The following INSM2 variants were observed in gnomAD, a reference collection of about 807,000 sequenced individuals.
The protein encoded by INSM2 is insulinoma-associated protein 2.
INSM2 carries 12 observed loss-of-function variants against 30.5 expected under a neutral mutation model. The observed-to-expected ratio is 0.39, with a 90% CI of 0.25 to 0.64. The LOEUF (loss-of-function observed/expected upper bound fraction) is 0.64. Ranked by LOEUF, INSM2 falls within the 30% of genes least tolerant of loss-of-function variation. INSM2 has a pLI of 0.47. For missense variants in INSM2, 773 were observed against 819.2 expected, an observed-to-expected ratio of 0.94 and a Z score of 0.69; for synonymous variants, 418 against 383.7, an observed-to-expected ratio of 1.09 and a Z score of -1.05.
chr14:35,534,356 C>A lies in INSM2; in HGVS notation c.104C>A (p.Pro35Gln), dbSNP rs766922721. 1 of 1,575,388 alleles carries A rather than the reference C, an allele frequency of 6.3e-7. No individual in the cohort carries two copies. Among genetic ancestry groups the A allele is most frequent in the Admixed American group, 1.8e-5 (1 of 55,336 alleles). ...VFPLLGPQGA[P>Q]PFLEEAPSAS... is the part of the protein sequence containing the mutation. ...CCTCTGCTGGGGCCCCAGGGGGCGC[C>A]GCCCTTCTTGGAGGAGGCTCCCAGC... Residue 35 changes from proline to glutamine, a missense_variant, in exon 1 of 1, where the codon CCG becomes CAG. Physicochemically the swap from Pro to Gln is moderately conservative, Grantham distance 76. Coordinates refer to ENST00000307169, the MANE Select transcript of INSM2 (RefSeq NM_032594.4).
At position 35,534,673 on chromosome 14, in the gene INSM2, G is replaced by T. The variant is rs930307081; in HGVS notation, c.421G>T (p.Gly141Cys). The T allele has an allele frequency of 1.4e-6, 2 of 1,402,724 alleles. No homozygotes were observed. The highest frequency in any genetic ancestry group is 1.8e-6 in the Non-Finnish European group (2 of 1,089,628). 86.9% of individuals were successfully genotyped at this position (1,402,724 alleles called of 1,614,324 possible). A position where few individuals can be genotyped will look rare whatever the true frequency, so the allele number is the denominator to read the frequency against. ...SPVSAESFPGGAAAVAAFSCS... is the reference protein window; with the variant it reads ...SPVSAESFPGCAAAVAAFSCS... ...CGTCTCCGCCGAGTCTTTCCCCGGG[G>T]GCGCCGCCGCCGTGGCCGCTTTCTC... The change falls in exon 1 of 1, where the codon GGC becomes TGC. Residue 141 changes from glycine to cysteine, a missense_variant. Physicochemically the swap from Gly to Cys is radical, Grantham distance 159. Transcript: ENST00000307169.
Position 35,535,240 on chromosome 14 carries a change from G to C in INSM2, c.988G>C (p.Gly330Arg). The C allele has an allele frequency of 3.1e-6, 5 of 1,613,530 alleles. No individual in the cohort carries two copies. Among genetic ancestry groups the C allele is most frequent in the Non-Finnish European group, 4.2e-6 (5 of 1,179,954 alleles). ...CGCCGCCACAGTCTCCTCCGCCGAC[G>C]GGAAGCCGCCTTCTTCGTCGTCTTC... ...ANAATVSSAD[G>R]KPPSSSSSSS... Residue 330 changes from glycine to arginine, a missense_variant, in exon 1 of 1, where the codon GGG (glycine) becomes CGG (arginine). Gly to Arg is a moderately radical substitution (Grantham distance 125). Coordinates refer to ENST00000307169, the MANE Select transcript of INSM2 (RefSeq NM_032594.4).
In INSM2 at chr14:35,535,850, C is replaced by CT. The variant is rs756928018; in HGVS notation, c.1605dup (p.Ser536Ter). ...TTCTCGTGCAAGCACTGCCCGTCCACTTTTTTTAGCTCTCCAGGGCTGACC... is the reference window on the plus strand; with the variant it reads ...TTCTCGTGCAAGCACTGCCCGTCCACTTTTTTTTAGCTCTCCAGGGCTGACC... On this transcript the variant is annotated frameshift_variant, in exon 1 of 1. Transcript: ENST00000307169. LOFTEE classifies it high-confidence loss of function. The CT allele has an allele frequency of 3.8e-5, 62 of 1,613,972 alleles. No homozygotes were observed. The highest frequency in any genetic ancestry group is 6.7e-5 in the East Asian group (3 of 44,888).
chr14:35,534,394 G>C lies in INSM2; in HGVS notation c.142G>C (p.Gly48Arg). The C allele has an allele frequency of 6.5e-7, 1 of 1,532,138 alleles. No homozygotes were observed. Among genetic ancestry groups the C allele is most frequent in the Non-Finnish European group, 8.7e-7 (1 of 1,145,436 alleles). 94.9% of individuals were successfully genotyped at this position (1,532,138 alleles called of 1,614,324 possible). A position where few individuals can be genotyped will look rare whatever the true frequency, so the allele number is the denominator to read the frequency against. ...GGAGGCTCCCAGCGCCTCCTTGCCCGGCGCGGAGCGGGCGACACCCCCCAC... is the reference window on the plus strand; with the variant it reads ...GGAGGCTCCCAGCGCCTCCTTGCCCCGCGCGGAGCGGGCGACACCCCCCAC... ...LEEAPSASLP[G>R]AERATPPTRE... Residue 48 changes from glycine to arginine, a missense_variant, in exon 1 of 1, where the codon GGC becomes CGC. By Grantham distance (125) the Gly-to-Arg change is moderately radical (BLOSUM62 -2). Transcript: ENST00000307169.
chr14:35,535,412 T>C lies in INSM2; in HGVS notation c.1160T>C (p.Leu387Pro), dbSNP rs754645740. 6.2e-7 allele frequency: 1 copy of C among 1,611,956 alleles called. No homozygotes were observed. The highest frequency in any genetic ancestry group is 1.1e-5 in the South Asian group (1 of 91,028). Residue 387 changes from leucine (L) to proline (P), a missense_variant, in exon 1 of 1, where the codon CTC (leucine) becomes CCC (proline). Coordinates refer to ENST00000307169, the MANE Select transcript of INSM2 (RefSeq NM_032594.4). ...QHPDSAPRQG[L>P]QVLTHPEPPL... ...CCGGACAGCGCCCCGAGGCAGGGCC[T>C]CCAGGTGCTGACGCATCCAGAGCCA... is the stretch of plus-strand genomic sequence containing the variant.
chr14:35,534,422 G>T lies in INSM2; in HGVS notation c.170G>T (p.Arg57Leu), dbSNP rs370970531. 3.6e-5 allele frequency: 54 copies of T among 1,498,110 alleles called. No individual in the cohort carries two copies. The East Asian group carries it at 5.9e-4, about 16-fold the overall frequency. The allele number at this position is 1,498,110 out of a possible 1,614,324, so 92.8% of individuals were successfully genotyped here. Residue 57 changes from arginine (R) to leucine (L), a missense_variant, in exon 1 of 1, where the codon CGA (arginine) becomes CTA (leucine). Coordinates refer to ENST00000307169, the MANE Select transcript of INSM2 (RefSeq NM_032594.4). ...GCGGAGCGGGCGACACCCCCCACCCGAGAGGAACCAGGAAAGGGGTTGACG... is the reference window on the plus strand; with the variant it reads ...GCGGAGCGGGCGACACCCCCCACCCTAGAGGAACCAGGAAAGGGGTTGACG... ...PGAERATPPT[R>L]EEPGKGLTAE...
At position 35,536,917 on chromosome 14, in the gene INSM2, A is replaced by G. The variant is rs1024660222; in HGVS notation, c.*964A>G. On this transcript the variant is annotated 3_prime_UTR_variant, in exon 1 of 1. Coordinates refer to ENST00000307169, the MANE Select transcript of INSM2 (RefSeq NM_032594.4). ...TCTTTTCAGCGGCAACTTGTTTTTG[A>G]TTTTTTTAAAAAACCATTTCAGTGT... 1 of 166,994 alleles carries G rather than the reference A, an allele frequency of 6.0e-6. No individual in the cohort carries two copies. Among genetic ancestry groups the G allele is most frequent in the African/African-American group, 2.4e-5 (1 of 41,448 alleles). The allele number at this position is 166,994 out of a possible 1,614,324, so 10.3% of individuals were successfully genotyped here.
Position 35,535,832 on chromosome 14 carries a change from G to T in INSM2, c.1580G>T (p.Cys527Phe), listed in dbSNP as rs748986667. ...GGGAGTGCCCAGCAAATTTTCTCGTGCAAGCACTGCCCGTCCACTTTTTTT... is the reference window on the plus strand; with the variant it reads ...GGGAGTGCCCAGCAAATTTTCTCGTTCAAGCACTGCCCGTCCACTTTTTTT... Reference protein sequence around the residue: ...SDGSAQQIFSCKHCPSTFFSS... With the variant: ...SDGSAQQIFSFKHCPSTFFSS... The change falls in exon 1 of 1, where the codon TGC becomes TTC. Residue 527 changes from cysteine to phenylalanine, a missense_variant. Physicochemically the swap from Cys to Phe is radical, Grantham distance 205 (BLOSUM62 -2). Transcript: ENST00000307169. The T allele has an allele frequency of 1.2e-6, 2 of 1,614,096 alleles. No homozygotes were observed. Among genetic ancestry groups the T allele is most frequent in the South Asian group, 2.2e-5 (2 of 91,088 alleles).
At position 35,535,296 on chromosome 14, in the gene INSM2, T is replaced by C. The variant is rs1376778049; in HGVS notation, c.1044T>C (p.Ser348=). The change falls in exon 1 of 1, where the codon TCT becomes TCC. Residue 348 remains serine (S), a synonymous_variant. Transcript: ENST00000307169. Reference sequence around the variant, plus strand: ...CCCGGGACTCCGGGGCCATTGCATCTTTTCTGGCGGAGGGAAAGGAGAACA... The same window carrying C: ...CCCGGGACTCCGGGGCCATTGCATCCTTTCTGGCGGAGGGAAAGGAGAACA... ...SSSRDSGAIA[S]FLAEGKENSR... 1.9e-6 allele frequency: 3 copies of C among 1,612,714 alleles called. No individual in the cohort carries two copies. The highest frequency in any genetic ancestry group is 2.5e-6 in the Non-Finnish European group (3 of 1,179,610).
rs773022760 is a variant in INSM2 at position 35,534,793 on chromosome 14, C to G, written c.541C>G (p.Pro181Ala). 1.0e-5 allele frequency: 15 copies of G among 1,453,078 alleles called. No individual in the cohort carries two copies. The highest frequency in any genetic ancestry group is 1.4e-5 in the Non-Finnish European group (15 of 1,108,230). 90.0% of individuals were successfully genotyped at this position (1,453,078 alleles called of 1,614,324 possible). ...PFPEPALQPD[P>A]APLSAALQSL... ...CCCAGAGCCCGCGCTTCAGCCGGAC[C>G]CTGCGCCCCTCTCGGCCGCCCTTCA... The change falls in exon 1 of 1, where the codon CCT becomes GCT. Residue 181 changes from proline to alanine, a missense_variant. By Grantham distance (27) the Pro-to-Ala change is conservative (BLOSUM62 -1). Transcript: ENST00000307169.
Position 35,534,549 on chromosome 14 carries a change from G to A in INSM2, c.297G>A (p.Arg99=), listed in dbSNP as rs1359788920. 1 of 1,396,300 alleles carries A rather than the reference G, an allele frequency of 7.2e-7. No individual in the cohort carries two copies. Among genetic ancestry groups the A allele is most frequent in the Admixed American group, 3.5e-5 (1 of 28,216 alleles). The allele number at this position is 1,396,300 out of a possible 1,614,324, so 86.5% of individuals were successfully genotyped here. A position where few individuals can be genotyped will look rare whatever the true frequency, so the allele number is the denominator to read the frequency against. The change falls in exon 1 of 1, where the codon AGG becomes AGA. Residue 99 remains arginine, a synonymous_variant. Coordinates refer to ENST00000307169, the MANE Select transcript of INSM2 (RefSeq NM_032594.4). The part of the protein sequence containing the change: ...REGAEWRAGG[R]EGPGPSPSPS... ...GCGCGGAGTGGCGGGCGGGTGGCAGGGAAGGTCCCGGGCCCAGCCCCAGCC... is the reference window on the plus strand; with the variant it reads ...GCGCGGAGTGGCGGGCGGGTGGCAGAGAAGGTCCCGGGCCCAGCCCCAGCC...
At position 35,534,362 on chromosome 14, in the gene INSM2, T is replaced by C; in HGVS notation, c.110T>C (p.Phe37Ser). The C allele has an allele frequency of 6.4e-7, 1 of 1,569,564 alleles. No individual in the cohort carries two copies. Among genetic ancestry groups the C allele is most frequent in the Non-Finnish European group, 8.6e-7 (1 of 1,161,490 alleles). ...CTGGGGCCCCAGGGGGCGCCGCCCT[T>C]CTTGGAGGAGGCTCCCAGCGCCTCC... ...PLLGPQGAPP[F>S]LEEAPSASLP... Residue 37 changes from phenylalanine (F) to serine (S), a missense_variant, in exon 1 of 1, where the codon TTC (phenylalanine) becomes TCC (serine). Phe to Ser is a radical substitution (Grantham distance 155, BLOSUM62 -2). Transcript: ENST00000307169.
chr14:35,535,920 G>T lies in INSM2; in HGVS notation c.1668G>T (p.Leu556=). 6.2e-7 allele frequency: 1 copy of T among 1,612,088 alleles called. No individual in the cohort carries two copies. The highest frequency in any genetic ancestry group is 8.5e-7 in the Non-Finnish European group (1 of 1,179,282). Residue 556 remains leucine, a synonymous_variant, in exon 1 of 1, where the codon CTG becomes CTT. Transcript: ENST00000307169. ...ACCCCTCAGAAAGCCGGCAAGTGCT[G>T]CTGCTGCAGATGCCACTGCGGCCTG... is the stretch of plus-strand genomic sequence containing the variant. ...KCHPSESRQV[L]LLQMPLRPGC
chr14:35,537,007 C>T lies in INSM2; in HGVS notation c.*1054C>T, dbSNP rs2053608368. ...TGGCTGAGCACTGCCTGACAGAAAG[C>T]CCGTATTTGTAAGATGCTTACCACC... On this transcript the variant is annotated 3_prime_UTR_variant, in exon 1 of 1. Coordinates refer to ENST00000307169, the MANE Select transcript of INSM2 (RefSeq NM_032594.4). 1 of 166,938 alleles carries T rather than the reference C, an allele frequency of 6.0e-6. No individual in the cohort carries two copies. The highest frequency in any genetic ancestry group is 1.5e-5 in the Non-Finnish European group (1 of 68,126). The allele number at this position is 166,938 out of a possible 1,614,324, so 10.3% of individuals were successfully genotyped here.
chr14:35,534,441 G>A lies in INSM2; in HGVS notation c.189G>A (p.Gly63=), dbSNP rs1357517576. 2.7e-6 allele frequency: 4 copies of A among 1,479,168 alleles called. No homozygotes were observed. In the African/African-American group the frequency reaches 4.5e-5, roughly 16 times the overall value. The allele number at this position is 1,479,168 out of a possible 1,614,324, so 91.6% of individuals were successfully genotyped here. A position where few individuals can be genotyped will look rare whatever the true frequency, so the allele number is the denominator to read the frequency against. ...CCACCCGAGAGGAACCAGGAAAGGGGTTGACGGCGGAGGCGGCCCGGGAAC... is the reference window on the plus strand; with the variant it reads ...CCACCCGAGAGGAACCAGGAAAGGGATTGACGGCGGAGGCGGCCCGGGAAC... The part of the protein sequence containing the change: ...TPPTREEPGK[G]LTAEAAREQS... The change falls in exon 1 of 1, where the codon GGG becomes GGA. Residue 63 remains glycine, a synonymous_variant. Coordinates refer to ENST00000307169, the MANE Select transcript of INSM2 (RefSeq NM_032594.4).
chr14:35,535,635 C>T lies in INSM2; in HGVS notation c.1383C>T (p.Gly461=), dbSNP rs1196050464. The T allele has an allele frequency of 1.9e-6, 3 of 1,613,134 alleles. No individual in the cohort carries two copies. Among genetic ancestry groups the T allele is most frequent in the Admixed American group, 1.7e-5 (1 of 60,030 alleles). ...CCCGTGCGCTAGCGCCGGGCTTTGGCTCCGAACGCGGTGCCCCACTTGCCT... is the reference window on the plus strand; with the variant it reads ...CCCGTGCGCTAGCGCCGGGCTTTGGTTCCGAACGCGGTGCCCCACTTGCCT... ...GSARALAPGF[G]SERGAPLAFA... Residue 461 remains glycine (G), a synonymous_variant, in exon 1 of 1, where the codon GGC becomes GGT. Transcript: ENST00000307169.
Position 35,534,958 on chromosome 14 carries a change from G to C in INSM2, c.706G>C (p.Val236Leu). Residue 236 changes from valine (V) to leucine (L), a missense_variant, in exon 1 of 1, where the codon GTC (valine) becomes CTC (leucine). By Grantham distance (32) the Val-to-Leu change is conservative. Coordinates refer to ENST00000307169, the MANE Select transcript of INSM2 (RefSeq NM_032594.4). ...SFADEVTTSP[V>L]LGLKIKEEEP... ...TGCCGATGAGGTGACCACATCCCCT[G>C]TCCTGGGCCTGAAGATCAAGGAGGA... 6.4e-7 allele frequency: 1 copy of C among 1,569,976 alleles called. No homozygotes were observed.
rs776302314 is a variant in INSM2 at position 35,535,735 on chromosome 14, C to G, written c.1483C>G (p.Arg495Gly). Residue 495 changes from arginine to glycine, a missense_variant, in exon 1 of 1, where the codon CGC (arginine) becomes GGC (glycine). Physicochemically the swap from Arg to Gly is moderately radical, Grantham distance 125 (BLOSUM62 -2). Transcript: ENST00000307169. The stretch of plus-strand genomic sequence containing the variant: ...GAAGCACCGGCTGTGGCATGCTGTC[C>G]GCGAGGAGCTGCTCCTGCCCGCTCT... ...REKHRLWHAVREELLLPALAG... is the reference protein window; with the variant it reads ...REKHRLWHAVGEELLLPALAG... 1 of 1,613,382 alleles carries G rather than the reference C, an allele frequency of 6.2e-7. No individual in the cohort carries two copies. The highest frequency in any genetic ancestry group is 1.1e-5 in the South Asian group (1 of 91,076).
Position 35,535,763 on chromosome 14 carries a change from CG to C in INSM2, c.1516del (p.Ala506LeufsTer35). The C allele has an allele frequency of 1.9e-6, 3 of 1,613,292 alleles. No individual in the cohort carries two copies. The highest frequency in any genetic ancestry group is 2.5e-6 in the Non-Finnish European group (3 of 1,179,886). ...GAGGAGCTGCTCCTGCCCGCTCTGG[CG>C]GGGGCTCCTCCCGAAACGTCGGGCC... ...VREELLLPAL[A>X]GAPPETSGPS... On this transcript the variant is annotated frameshift_variant, in exon 1 of 1. Coordinates refer to ENST00000307169, the MANE Select transcript of INSM2 (RefSeq NM_032594.4). LOFTEE classifies it high-confidence loss of function.
Sources: gnomAD v4.1 joint callset for allele counts on GRCh38, gnomAD v4.1.1 for gene constraint, MANE v1.5 for transcripts, NCBI Gene and HGNC (gene_info 2026-07-23, HGNC 2026-07-21) for gene names.